The following RPTOR variants were observed in gnomAD, a reference collection of about 807,000 sequenced individuals.
RPTOR encodes regulatory associated protein of MTOR complex 1, also known as regulatory-associated protein of mTOR.
RPTOR carries 21 observed loss-of-function variants against 169.9 expected under a neutral mutation model. That is an observed-to-expected ratio of 0.12 (90% CI 0.09 to 0.18). The LOEUF (loss-of-function observed/expected upper bound fraction) is 0.18. Ranked by LOEUF, RPTOR falls within the 10% of genes least tolerant of loss-of-function variation. The probability of loss-of-function intolerance (pLI) is 1.00; values close to 1 mark genes in which losing one functional copy is unlikely to be tolerated. For synonymous variants in RPTOR, 732 were observed against 753.2 expected (o/e 0.97, Z 0.46); for missense variants, 1,133 against 1,855.9 (o/e 0.61, Z 7.16).
At chr17:80,924,830 G>C (rs2068792065) in intron 23 of RPTOR, among the ~76,000 whole-genome samples, 1 of 152,214 alleles carries the variant, frequency 6.6e-6, no homozygotes, top group Admixed American at 6.5e-5. Flanking sequence ...TGACAGCCCT[G>C]GCCGCCACAG....
At chr17:80,854,627 C>T (rs568269068) in intron 11 of RPTOR, among the ~76,000 whole-genome samples, 1 of 152,364 alleles carries the variant, frequency 6.6e-6, no homozygotes, top group East Asian at 1.9e-4. Flanking sequence ...GGCATGATGG[C>T]CCACGCCTGT....
chr17:80,800,816 G>T lies in RPTOR; in HGVS notation c.890+9307G>T, dbSNP rs1380262402. Reference sequence around the variant, plus strand: ...AGATGTGAACCTGTTCCACGAGGCTGCTAGTTAGTATTCTGATCACTGGAG... The same window carrying T: ...AGATGTGAACCTGTTCCACGAGGCTTCTAGTTAGTATTCTGATCACTGGAG... On this transcript the variant is annotated intron_variant, in intron 7 of 33. Transcript: ENST00000306801. 2.0e-5 allele frequency among the ~76,000 whole-genome samples: 3 copies of T among 152,348 alleles called. No homozygotes were observed. In the East Asian group the frequency reaches 5.8e-4, roughly 29 times the overall value.
intron 2 of RPTOR, among the ~76,000 whole-genome samples, chr17:80,626,431 A>T (rs1035634205): frequency 1.3e-5 from 2 of 152,070 alleles, no homozygotes; most frequent in Non-Finnish European, 1.5e-5. Flanking sequence ...AAATGGAATG[A>T]CTGATACCTG....
chr17:80,933,194 C>G (rs1235826354), intron 24 of RPTOR, among the ~76,000 whole-genome samples: 1 of 152,200 alleles, frequency 6.6e-6, no homozygotes, highest in African/African-American at 2.4e-5. Flanking sequence ...AAAGCCATCT[C>G]TGTTCACAGA....
intron 3 of RPTOR, among the ~76,000 whole-genome samples, chr17:80,686,287 C>T (rs112344610): frequency 3.3e-5 from 5 of 150,988 alleles, no homozygotes; most frequent in Middle Eastern, 3.4e-3. Context: ...CCTGGGTTCA[C>T]GCCATTCTCC....
chr17:80,767,728 A>T (rs1265938023), intron 6 of RPTOR, among the ~76,000 whole-genome samples: 2 of 152,228 alleles, frequency 1.3e-5, no homozygotes, highest in Admixed American at 6.5e-5. Flanking sequence ...AGTAATGGTA[A>T]AAGCTAAGAA....
intron 6 of RPTOR, among the ~76,000 whole-genome samples, chr17:80,767,839 A>G (rs1355925957): frequency 2.9e-5 from 4 of 139,576 alleles, no homozygotes; most frequent in Non-Finnish European, 4.7e-5. Context: ...AAAAAGTGTT[A>G]CTTGAATTTT....
intron 6 of RPTOR, among the ~76,000 whole-genome samples, chr17:80,758,781 C>G (rs1377873542): frequency 1.3e-5 from 2 of 152,028 alleles, no homozygotes; most frequent in East Asian, 3.9e-4. Flanking sequence ...CCCAGAGGCT[C>G]TGGGCTGGAT....
chr17:80,639,150 G>C (rs1362825247), intron 2 of RPTOR, among the ~76,000 whole-genome samples: 1 of 151,758 alleles, frequency 6.6e-6, no homozygotes, highest in Non-Finnish European at 1.5e-5. Context: ...TTTCAAAGTA[G>C]CCCCTTTGCT....
At chr17:80,682,583 G>A (rs889760563) in intron 3 of RPTOR, among the ~76,000 whole-genome samples, 25 of 152,336 alleles carry the variant, frequency 1.6e-4, no homozygotes, top group South Asian at 2.1e-4. Flanking sequence ...ACACCGAGGC[G>A]TGCCCACGGC....
At chr17:80,862,907 C>T (rs1195959839) in intron 13 of RPTOR, among the ~76,000 whole-genome samples, 1 of 152,214 alleles carries the variant, frequency 6.6e-6, no homozygotes. Flanking sequence ...CAGCATCCCC[C>T]TGCTGCCGCC....
At chr17:80,952,475 A>G (rs2069191598) in intron 28 of RPTOR, among the ~76,000 whole-genome samples, 1 of 152,174 alleles carries the variant, frequency 6.6e-6, no homozygotes, top group African/African-American at 2.4e-5. Flanking sequence ...AGGAGGCCCA[A>G]GGCGTGACCT....
At chr17:80,840,978 A>T (rs1263244192) in intron 10 of RPTOR, among the ~76,000 whole-genome samples, 10 of 19,176 alleles carry the variant, frequency 5.2e-4, no homozygotes, top group South Asian at 3.5e-3. Flanking sequence ...GGCAGCTCAC[A>T]TTCACCACAC....
At chr17:80,890,090 G>A (rs2068301166) in intron 17 of RPTOR, among the ~76,000 whole-genome samples, 1 of 151,852 alleles carries the variant, frequency 6.6e-6, no homozygotes, top group East Asian at 1.9e-4. Flanking sequence ...GGGATGTGCG[G>A]CCCCCGAGGG....
intron 3 of RPTOR, among the ~76,000 whole-genome samples, chr17:80,650,189 A>G (rs2065628990): frequency 6.6e-6 from 1 of 152,200 alleles, no homozygotes; most frequent in Non-Finnish European, 1.5e-5. Context: ...AGTCCATTAG[A>G]GCTGGTCCCA....
intron 21 of RPTOR, among the ~76,000 whole-genome samples, chr17:80,921,880 A>G (rs1472030661): frequency 6.6e-6 from 1 of 151,976 alleles, no homozygotes; most frequent in Non-Finnish European, 1.5e-5. Flanking sequence ...TGCCCTGGAG[A>G]TGAAGGTTCC....
At chr17:80,571,916 A>G (rs2064910830) in intron 1 of RPTOR, among the ~76,000 whole-genome samples, 1 of 152,234 alleles carries the variant, frequency 6.6e-6, no homozygotes, top group Admixed American at 6.5e-5. Context: ...CGTATTGATA[A>G]GAATCAGGTG....
intron 17 of RPTOR, among the ~76,000 whole-genome samples, chr17:80,889,666 G>T (rs533809347): frequency 1.2e-4 from 19 of 152,318 alleles, no homozygotes; most frequent in Admixed American, 5.2e-4. Context: ...GAAGGCCAGT[G>T]CGTGTGTGTG....
At chr17:80,702,828 A>G (rs1003561077) in intron 3 of RPTOR, among the ~76,000 whole-genome samples, 4 of 152,242 alleles carry the variant, frequency 2.6e-5, no homozygotes, top group African/African-American at 9.6e-5. Context: ...ACTCCTGTTC[A>G]GGAGCAATCT....
Sources: gnomAD v4.1 joint callset for allele counts (sites outside exome capture counted in the v4.1 genomes callset) on GRCh38, gnomAD v4.1.1 for gene constraint, MANE v1.5 for transcripts, NCBI Gene and HGNC (gene_info 2026-07-23, HGNC 2026-07-21) for gene names.